SAMD5: variants seen among roughly 807,000 people sequenced by gnomAD.
The protein encoded by SAMD5 is sterile alpha motif domain-containing protein 5.
In SAMD5, 13 loss-of-function variants were observed where a neutral mutation model predicts 11.3. The observed-to-expected ratio is 1.15, with a 90% confidence interval of 0.75 to 1.83. The LOEUF is 1.83. SAMD5 is among the 40% of genes most tolerant of loss of function. The pLI, the probability that SAMD5 is intolerant of heterozygous loss-of-function variation, is 0.00. For missense variants in SAMD5, 255 were observed against 239.1 expected, an observed-to-expected ratio of 1.07 and a Z score of -0.44; for synonymous variants, 129 against 111.3, an observed-to-expected ratio of 1.16 and a Z score of -1.00.
chr6:147,830,352 G>A, the SAMD5 span, among the ~76,000 whole-genome samples: 1 of 147,864 alleles, frequency 6.8e-6, no homozygotes, highest in African/African-American at 2.5e-5. Context: ...CACTTCCCGG[G>A]TTCAAGCAAT....
chr6:147,712,409 A>G (rs1791412491), intron 1 of SAMD5, among the ~76,000 whole-genome samples: 3 of 152,242 alleles, frequency 2.0e-5, no homozygotes, highest in Non-Finnish European at 4.4e-5. Flanking sequence ...CTCATTTTAC[A>G]GATGAGAAAT....
chr6:147,619,986 A>G (rs1789933839), intron 1 of SAMD5, among the ~76,000 whole-genome samples: 1 of 152,162 alleles, frequency 6.6e-6, no homozygotes, highest in Non-Finnish European at 1.5e-5. Flanking sequence ...ATACATTATT[A>G]CCATTTGAAT....
chr6:147,516,762 A>T (rs561771988), intron 1 of SAMD5, among the ~76,000 whole-genome samples: 3 of 152,336 alleles, frequency 2.0e-5, no homozygotes, highest in East Asian at 1.9e-4. Context: ...CTGCCGGATC[A>T]TATGGCCCAA....
At chr6:147,681,672 A>G (rs144565497) in intron 1 of SAMD5, among the ~76,000 whole-genome samples, 8 of 152,118 alleles carry the variant, frequency 5.3e-5, no homozygotes, top group Non-Finnish European at 8.8e-5. Context: ...AATATTCTTG[A>G]GTTTTGTTCT....
downstream of SAMD5, among the ~76,000 whole-genome samples, chr6:147,573,052 G>A (rs1789159484): frequency 6.6e-6 from 1 of 152,186 alleles, no homozygotes; most frequent in Admixed American, 6.5e-5. Flanking sequence ...TTAAGAATGA[G>A]CTTGCAACTC....
At chr6:147,882,658 G>A in the SAMD5 span, among the ~76,000 whole-genome samples, 2 of 152,214 alleles carry the variant, frequency 1.3e-5, no homozygotes, top group East Asian at 3.8e-4. Flanking sequence ...GCCACTCATT[G>A]TGTTGATACG....
At chr6:147,752,989 T>G in the SAMD5 span, among the ~76,000 whole-genome samples, 1 of 152,210 alleles carries the variant, frequency 6.6e-6, no homozygotes, top group Admixed American at 6.5e-5. Flanking sequence ...ATTTTTGCCT[T>G]ATTGCCCTAG....
chr6:147,711,006 AAAGG>A lies in SAMD5; in HGVS notation c.163-26300_163-26297del, dbSNP rs1217284179. 1.3e-5 allele frequency among the ~76,000 whole-genome samples: 2 copies of A among 151,466 alleles called. No homozygotes were observed. The highest frequency in any genetic ancestry group is 2.4e-5 in the African/African-American group (1 of 41,218). Reference sequence around the variant, plus strand: ...GAGGAGGGAGGGAGGGAAGGAAAATAAAGGAAGGAAGGAAATAAGGAAGGAGGGA... The same window carrying A: ...GAGGAGGGAGGGAGGGAAGGAAAATAAAGGAAGGAAATAAGGAAGGAGGGA... On this transcript the variant is annotated intron_variant, in intron 1 of 1. Coordinates refer to the SAMD5 transcript ENST00000566741. The surrounding 1 kb of genome is among the most constrained non-coding windows in gnomAD (Gnocchi z 4.1).
chr6:147,858,418 C>T, the SAMD5 span, among the ~76,000 whole-genome samples: 1 of 152,094 alleles, frequency 6.6e-6, no homozygotes, highest in Admixed American at 6.6e-5. Context: ...ATTATTCTGT[C>T]CTCTTTGAGC....
chr6:147,753,440 G>A, the SAMD5 span, among the ~76,000 whole-genome samples: 1 of 152,100 alleles, frequency 6.6e-6, no homozygotes, highest in Non-Finnish European at 1.5e-5. Flanking sequence ...TACATAGTAG[G>A]TGTACATATT....
intron 1 of SAMD5, among the ~76,000 whole-genome samples, chr6:147,599,588 A>G (rs1224245338): frequency 6.6e-6 from 1 of 152,158 alleles, no homozygotes; most frequent in African/African-American, 2.4e-5. Flanking sequence ...ATGTCCACAT[A>G]CTTTTCTGTG....
the SAMD5 span, among the ~76,000 whole-genome samples, chr6:147,805,266 G>A: frequency 6.6e-6 from 1 of 152,162 alleles, no homozygotes; most frequent in African/African-American, 2.4e-5. Flanking sequence ...GATGTGAATA[G>A]CAGCAGCTTG....
chr6:147,816,183 G>C, the SAMD5 span, among the ~76,000 whole-genome samples: 1 of 149,408 alleles, frequency 6.7e-6, no homozygotes, highest in Non-Finnish European at 1.5e-5. Flanking sequence ...GGGAGGCTGA[G>C]GCAGGATAAT....
intron 1 of SAMD5, among the ~76,000 whole-genome samples, chr6:147,592,225 G>A (rs1789465387): frequency 6.6e-6 from 1 of 152,054 alleles, no homozygotes; most frequent in African/African-American, 2.4e-5. Flanking sequence ...CTAGGCTCCA[G>A]CGATCCTCCT....
chr6:147,747,987 G>A, the SAMD5 span, among the ~76,000 whole-genome samples: 1 of 152,084 alleles, frequency 6.6e-6, no homozygotes, highest in Non-Finnish European at 1.5e-5. Context: ...AACAATTCTG[G>A]CCCTTCTGAC....
chr6:147,795,081 A>G, the SAMD5 span, among the ~76,000 whole-genome samples: 2 of 151,078 alleles, frequency 1.3e-5, no homozygotes, highest in Admixed American at 1.3e-4. Flanking sequence ...TATTATTATT[A>G]TACTTTAAGT....
intron 1 of SAMD5, among the ~76,000 whole-genome samples, chr6:147,608,716 T>A (rs1405368960): frequency 6.6e-6 from 1 of 152,086 alleles, no homozygotes; most frequent in African/African-American, 2.4e-5. Context: ...AAAGGATGAA[T>A]AAGACCTACT....
chr6:147,932,617 TG>T, the SAMD5 span, among the ~76,000 whole-genome samples: 1 of 151,026 alleles, frequency 6.6e-6, no homozygotes, highest in Non-Finnish European at 1.5e-5. Context: ...TGTGTGTGTG[TG>T]TGTGTGTGTG....
intron 1 of SAMD5, among the ~76,000 whole-genome samples, chr6:147,662,752 T>G (rs1376363213): frequency 6.6e-6 from 1 of 152,172 alleles, no homozygotes; most frequent in Non-Finnish European, 1.5e-5. Flanking sequence ...CCTCTTCTGC[T>G]ACATCAGTCT....
Sources: gnomAD v4.1 joint callset for allele counts (sites outside exome capture counted in the v4.1 genomes callset) on GRCh38, gnomAD v4.1.1 for gene constraint, Gnocchi (gnomAD v3.1) non-coding constraint, MANE v1.5 for transcripts, NCBI Gene and HGNC (gene_info 2026-07-23, HGNC 2026-07-21) for gene names.